Variants in CDH12 observed in about 807,000 individuals in gnomAD.
The protein encoded by CDH12 is cadherin 12.
CDH12 carries 41 observed loss-of-function variants against 74.1 expected under a neutral mutation model. The ratio of observed to expected loss-of-function variants is 0.55; its 90% confidence interval spans 0.43 to 0.72. The LOEUF is 0.72. Ranked by LOEUF, CDH12 falls within the 30% of genes least tolerant of loss-of-function variation. The pLI, the probability that CDH12 is intolerant of heterozygous loss-of-function variation, is 0.00. For missense variants in CDH12, 945 were observed against 977.2 expected (o/e 0.97, Z 0.44); for synonymous variants, 399 against 355.0 (o/e 1.12, Z -1.39).
intron 11 of CDH12, among the ~76,000 whole-genome samples, chr5:21,768,239 T>G (rs1398986978): frequency 6.6e-6 from 1 of 151,822 alleles, no homozygotes; most frequent in Non-Finnish European, 1.5e-5. Context: ...AGCTAGTTAC[T>G]AATTTGAGGC....
intron 5 of CDH12, among the ~76,000 whole-genome samples, chr5:22,073,092 G>A (rs1197186223): frequency 2.0e-5 from 3 of 152,026 alleles, no homozygotes; most frequent in South Asian, 2.1e-4. Flanking sequence ...ACTCAATAAA[G>A]TTTAACTTTT....
chr5:21,751,521 C>A lies in CDH12; in HGVS notation c.*216G>T. The A allele has an allele frequency of 1.9e-6, 1 of 540,254 alleles. No individual in the cohort carries two copies. Among genetic ancestry groups the A allele is most frequent in the Non-Finnish European group, 3.3e-6 (1 of 303,964 alleles). 33.5% of individuals were successfully genotyped at this position (540,254 alleles called of 1,614,324 possible). A position where few individuals can be genotyped will look rare whatever the true frequency, so the allele number is the denominator to read the frequency against. On this transcript the variant is annotated 3_prime_UTR_variant, in exon 15 of 15. Coordinates refer to ENST00000382254, the MANE Select transcript of CDH12 (RefSeq NM_004061.5). ...AGCAAGTACACATTATAGGATGTAT[C>A]TCTTGTTGGCAGAATAAACCAAAAC...
At chr5:22,760,298 A>G (rs1412354176) in intron 1 of CDH12, among the ~76,000 whole-genome samples, 2 of 152,236 alleles carry the variant, frequency 1.3e-5, no homozygotes, top group African/African-American at 4.8e-5. Flanking sequence ...AAGATTCATG[A>G]GAAAAGTTTC....
At chr5:22,461,541 A>G (rs1293626352) in intron 2 of CDH12, among the ~76,000 whole-genome samples, 1 of 152,020 alleles carries the variant, frequency 6.6e-6, no homozygotes, top group Non-Finnish European at 1.5e-5. Context: ...GGCTAAAAAA[A>G]TATTTTCCAA....
At chr5:22,123,227 G>A (rs1745628301) in intron 4 of CDH12, among the ~76,000 whole-genome samples, 1 of 152,078 alleles carries the variant, frequency 6.6e-6, no homozygotes, top group African/African-American at 2.4e-5. Flanking sequence ...TCTGCTATGT[G>A]AGCACCTAGT....
At chr5:22,052,478 A>G (rs1402804207) in intron 5 of CDH12, among the ~76,000 whole-genome samples, 1 of 152,110 alleles carries the variant, frequency 6.6e-6, no homozygotes, top group East Asian at 1.9e-4. Context: ...ACTTGTGTAG[A>G]GGCACAGACC....
At chr5:21,988,171 C>T (rs1352456215) in intron 5 of CDH12, among the ~76,000 whole-genome samples, 3 of 152,068 alleles carry the variant, frequency 2.0e-5, no homozygotes, top group Admixed American at 6.5e-5. Flanking sequence ...ACTTTGGTTA[C>T]AGGATATGAC....
chr5:21,755,706 A>G lies in CDH12; in HGVS notation c.1770T>C (p.Cys590=), dbSNP rs1246629833. The G allele has an allele frequency of 6.2e-7, 1 of 1,614,024 alleles. No individual in the cohort carries two copies. Among genetic ancestry groups the G allele is most frequent in the African/African-American group, 1.3e-5 (1 of 74,926 alleles). The change falls in exon 14 of 15, where the codon TGT becomes TGC. Residue 590 remains cysteine, a synonymous_variant. Coordinates refer to ENST00000382254, the MANE Select transcript of CDH12 (RefSeq NM_004061.5). ...SSTNTMTIRV[C]RCDSDGTILS... ...GGATGGTGCCATCAGAGTCACATCT[A>G]CAGACTCGAATAGTCATTGTGTTTG...
intron 1 of CDH12, among the ~76,000 whole-genome samples, chr5:22,706,598 G>C (rs1237396153): frequency 1.3e-5 from 2 of 151,864 alleles, no homozygotes; most frequent in African/African-American, 4.8e-5. Flanking sequence ...ATCTCAATTA[G>C]AGAGTATATA....
intron 2 of CDH12, among the ~76,000 whole-genome samples, chr5:22,430,265 A>C (rs1482329795): frequency 6.6e-6 from 1 of 152,160 alleles, no homozygotes; most frequent in Non-Finnish European, 1.5e-5. Context: ...AATGGGGATC[A>C]TGTGAACCTC....
chr5:22,383,606 T>C (rs1263503160), intron 3 of CDH12, among the ~76,000 whole-genome samples: 4 of 152,170 alleles, frequency 2.6e-5, no homozygotes, highest in South Asian at 2.1e-4. Context: ...GGGAGTTCCT[T>C]TCTTACTGGG....
intron 1 of CDH12, among the ~76,000 whole-genome samples, chr5:22,661,821 G>A (rs9293027): frequency 0.52 from 79,335 of 151,514 alleles, 21,435 homozygotes; most frequent in Non-Finnish European, 0.59. Flanking sequence ...TTCCACAAAA[G>A]CATGCTACCT....
chr5:22,815,559 C>T (rs2126460153), intron 1 of CDH12, among the ~76,000 whole-genome samples: 1 of 152,026 alleles, frequency 6.6e-6, no homozygotes, highest in African/African-American at 2.4e-5. Flanking sequence ...AACCTGAGGT[C>T]AGGAGTTCGA....
At chr5:22,618,752 TG>T (rs1302187729) in intron 1 of CDH12, among the ~76,000 whole-genome samples, 1 of 152,152 alleles carries the variant, frequency 6.6e-6, no homozygotes, top group Admixed American at 6.6e-5. Context: ...TAATCTCATC[TG>T]GAATATAATC....
chr5:22,773,908 A>G (rs945120692), intron 1 of CDH12, among the ~76,000 whole-genome samples: 2 of 152,182 alleles, frequency 1.3e-5, no homozygotes, highest in Non-Finnish European at 2.9e-5. Flanking sequence ...TCACTATCAG[A>G]GAAATGCAAA....
rs138585141 is a variant in CDH12, at chr5:22,626,406, T to C, written c.-522-121042A>G. Among the ~76,000 whole-genome samples the C allele has an allele frequency of 3.4e-3, 513 of 152,182 alleles. 1 individual carries two copies. The highest frequency in any genetic ancestry group is 0.012 in the African/African-American group (485 of 41,504). ...TCTTAAATGCAGTAGGTTCATAACT[T>C]TGAGCAGTTAGGGAATAAAGCTGGG... On this transcript the variant is annotated intron_variant, in intron 1 of 14. Transcript: ENST00000382254.
At chr5:21,878,873 G>C (rs1166356644) in intron 6 of CDH12, among the ~76,000 whole-genome samples, 1 of 137,078 alleles carries the variant, frequency 7.3e-6, no homozygotes, top group Non-Finnish European at 1.6e-5. Context: ...AAGAAAGAGA[G>C]AGAAAGAAAG....
At chr5:22,150,704 T>C (rs1386927002) in intron 4 of CDH12, among the ~76,000 whole-genome samples, 2 of 152,156 alleles carry the variant, frequency 1.3e-5, no homozygotes, top group Non-Finnish European at 2.9e-5. Flanking sequence ...TAATAGGTAA[T>C]GCCCCAAATC....
At chr5:21,966,100 G>T (rs1367984076) in intron 6 of CDH12, among the ~76,000 whole-genome samples, 7 of 150,604 alleles carry the variant, frequency 4.6e-5, no homozygotes, top group Non-Finnish European at 1.0e-4. Context: ...TATTAGTGTG[G>T]TGCTCACTTT....
Sources: allele counts gnomAD v4.1 joint callset (sites outside exome capture counted in the v4.1 genomes callset), GRCh38; gene constraint gnomAD v4.1.1; transcripts MANE v1.5; gene names NCBI Gene and HGNC (gene_info 2026-07-23, HGNC 2026-07-21).